Variants in SFTPD observed in about 807,000 individuals in gnomAD.
SFTPD encodes the protein surfactant protein D.
Under a neutral mutation model 34.6 loss-of-function variants are expected in SFTPD, and 18 were observed. The ratio of observed to expected loss-of-function variants is 0.52; its 90% CI spans 0.36 to 0.77. The LOEUF (loss-of-function observed/expected upper bound fraction) is 0.77, where lower values mean the gene tolerates loss of function less well. Ranked by LOEUF, SFTPD falls within the 30% of genes least tolerant of loss-of-function variation. SFTPD has a pLI of 0.00. For missense variants in SFTPD, 433 were observed against 468.9 expected, an observed-to-expected ratio of 0.92 and a Z score of 0.71; for synonymous variants, 155 against 180.9, an observed-to-expected ratio of 0.86 and a Z score of 1.15.
At position 79,942,831 on chromosome 10, in the gene SFTPD, G is replaced by A. The variant is rs747119364; in HGVS notation, c.248C>T (p.Pro83Leu). 6 of 1,613,986 alleles carry A rather than the reference G, an allele frequency of 3.7e-6. No homozygotes were observed. The South Asian group carries it at 5.5e-5, about 15-fold the overall frequency. ...GQAGMPGQAG[P>L]VGPKGDNGSV... ...GCCATTGTCCCCTTTGGGCCCAACT[G>A]GGCCAGCTTGTCCAGGCATCCCTGC... The change falls in exon 3 of 8, where the codon CCA (proline) becomes CTA (leucine). Residue 83 changes from proline to leucine, a missense_variant. Transcript: ENST00000372292.
intron 1 of SFTPD, among the ~76,000 whole-genome samples, chr10:79,958,487 T>G (rs1842753106): frequency 6.6e-6 from 1 of 152,164 alleles, no homozygotes; most frequent in East Asian, 1.9e-4. Flanking sequence ...AGGCAGGGGT[T>G]GCAATCCTAG....
chr10:79,978,827 A>C (rs921747117), intron 1 of SFTPD, among the ~76,000 whole-genome samples: 4 of 152,078 alleles, frequency 2.6e-5, no homozygotes, highest in African/African-American at 9.7e-5. Flanking sequence ...TATTTATCAA[A>C]ATACTGGAAA....
intron 1 of SFTPD, among the ~76,000 whole-genome samples, chr10:79,964,901 A>C (rs1296975362): frequency 1.3e-5 from 2 of 152,144 alleles, no homozygotes; most frequent in African/African-American, 4.8e-5. Context: ...AGGCCACCAC[A>C]GTCATTTCTC....
chr10:79,977,843 C>T (rs1469694150), intron 1 of SFTPD, among the ~76,000 whole-genome samples: 1 of 151,146 alleles, frequency 6.6e-6, no homozygotes, highest in Non-Finnish European at 1.5e-5. Context: ...CTTTCATTAT[C>T]TTCAATTTTG....
intron 2 of SFTPD, among the ~76,000 whole-genome samples, chr10:79,944,549 A>G (rs1842646676): frequency 6.6e-6 from 1 of 152,094 alleles, no homozygotes. Flanking sequence ...GAAAGAAGCT[A>G]TGTGGTTGGA....
intron 1 of SFTPD, 95 bp from the exon 2 acceptor site, chr10:79,946,757 A>C: frequency 8.8e-7 from 1 of 1,132,046 alleles, no homozygotes; most frequent in Non-Finnish European, 1.3e-6. Context: ...AGAAGCCCCC[A>C]TTCCCTCCTT....
At chr10:79,957,536 A>G (rs1340496884) in intron 1 of SFTPD, among the ~76,000 whole-genome samples, 3 of 152,350 alleles carry the variant, frequency 2.0e-5, no homozygotes, top group Middle Eastern at 6.8e-3. Flanking sequence ...GATCAACTGG[A>G]AGAAAGGGTA....
At chr10:79,941,246 C>T (rs1842608111) in intron 6 of SFTPD, 152 bp downstream of exon 6, 1 of 701,538 alleles carries the variant, frequency 1.4e-6, no homozygotes, top group Non-Finnish European at 2.4e-6. Flanking sequence ...ATGCTCCTGC[C>T]TTCCAGCCTG....
intron 1 of SFTPD, among the ~76,000 whole-genome samples, chr10:79,975,979 G>A (rs560090571): frequency 5.3e-5 from 8 of 152,316 alleles, no homozygotes; most frequent in African/African-American, 1.4e-4. Flanking sequence ...ACCTTCCAGC[G>A]TGGGTGTTAT....
At chr10:79,947,915 G>A (rs934565681) in intron 1 of SFTPD, among the ~76,000 whole-genome samples, 4 of 152,210 alleles carry the variant, frequency 2.6e-5, no homozygotes, top group Non-Finnish European at 5.9e-5. Flanking sequence ...AGTGAAAAGA[G>A]CTGATCAGAT....
At chr10:79,973,314 T>C (rs1455712135) in intron 1 of SFTPD, 1 of 152,110 alleles carries the variant, frequency 6.6e-6, no homozygotes, top group Non-Finnish European at 1.5e-5. Flanking sequence ...GAGTTTCCAC[T>C]GGTACATTAA....
chr10:79,937,945 A>G lies in SFTPD; in HGVS notation c.1035T>C (p.Asp345=), dbSNP rs749427834. 41 of 1,612,784 alleles carry G rather than the reference A, an allele frequency of 2.5e-5. No homozygotes were observed. Among genetic ancestry groups the G allele is most frequent in the Admixed American group, 5.0e-5 (3 of 59,908 alleles). Residue 345 remains aspartate, a synonymous_variant, in exon 8 of 8, where the codon GAT becomes GAC. Coordinates refer to ENST00000372292, the MANE Select transcript of SFTPD (RefSeq NM_003019.5). The part of the protein sequence containing the change: ...SNWAPGEPND[D]GGSEDCVEIF... ...TCTCCACACAGTCCTCTGACCCGCC[A>G]TCATCGTTGGGCTCCCCTGGGGCCC... is the stretch of plus-strand genomic sequence containing the variant.
chr10:79,956,263 G>A (rs1334002299), intron 1 of SFTPD, among the ~76,000 whole-genome samples: 1 of 152,226 alleles, frequency 6.6e-6, no homozygotes, highest in Non-Finnish European at 1.5e-5. Context: ...TTCCATCTGA[G>A]GTACCGGGTT....
chr10:79,953,707 T>G (rs1371906784), upstream of SFTPD, among the ~76,000 whole-genome samples: 4 of 152,130 alleles, frequency 2.6e-5, no homozygotes, highest in African/African-American at 9.6e-5. Context: ...AGTTTAAAGT[T>G]ACTATTTCTT....
At chr10:79,975,793 G>A (rs1164187802) in intron 1 of SFTPD, among the ~76,000 whole-genome samples, 1 of 152,204 alleles carries the variant, frequency 6.6e-6, no homozygotes, top group Non-Finnish European at 1.5e-5. Context: ...ATCCTTTATG[G>A]GAAAGGAAGG....
intron 1 of SFTPD, among the ~76,000 whole-genome samples, chr10:79,974,104 G>A (rs1842850970): frequency 6.6e-6 from 1 of 152,146 alleles, no homozygotes; most frequent in South Asian, 2.1e-4. Flanking sequence ...TTATTTGACA[G>A]CATTAGGACT....
chr10:79,956,840 G>A (rs12252956), intron 1 of SFTPD, among the ~76,000 whole-genome samples: 22,218 of 152,096 alleles, frequency 0.15, 2,065 homozygotes, highest in East Asian at 0.41. Flanking sequence ...TCTGAGAACG[G>A]GCAGACTGCC....
At chr10:79,952,585 C>T (rs895063702), upstream of SFTPD, among the ~76,000 whole-genome samples, 1 of 152,162 alleles carries the variant, frequency 6.6e-6, no homozygotes, top group Non-Finnish European at 1.5e-5. Context: ...AGACACTCTC[C>T]CTTCTCCTAA....
upstream of SFTPD, among the ~76,000 whole-genome samples, chr10:79,949,635 C>A (rs1842697160): frequency 6.6e-6 from 1 of 152,196 alleles, no homozygotes; most frequent in South Asian, 2.1e-4. Context: ...GGAGCTGCCA[C>A]CTGGAAAGAG....
Sources: allele counts gnomAD v4.1 joint callset (sites outside exome capture counted in the v4.1 genomes callset), GRCh38; gene constraint gnomAD v4.1.1; transcripts MANE v1.5; gene names NCBI Gene and HGNC (gene_info 2026-07-23, HGNC 2026-07-21).